The following PTPRK variants were observed in gnomAD, a reference collection of about 807,000 sequenced individuals.
PTPRK encodes receptor-type tyrosine-protein phosphatase kappa.
A neutral mutation model predicts 178.0 loss-of-function variants in PTPRK; 75 were observed. The observed-to-expected ratio is 0.42, with a 90% CI of 0.35 to 0.51. The LOEUF (loss-of-function observed/expected upper bound fraction) is 0.51, where lower values mean the gene tolerates loss of function less well. Ranked by LOEUF, PTPRK falls within the 20% of genes least tolerant of loss-of-function variation. PTPRK has a pLI of 0.02. For missense variants in PTPRK, 1,441 were observed against 1,797.8 expected (o/e 0.80, Z 3.59); for synonymous variants, 637 against 620.6 (o/e 1.03, Z -0.39).
At chr6:128,152,256 G>C (rs1308056169) in intron 7 of PTPRK, among the ~76,000 whole-genome samples, 1 of 151,990 alleles carries the variant, frequency 6.6e-6, no homozygotes, top group Non-Finnish European at 1.5e-5. Context: ...TTAAAGAATG[G>C]GACGTCGTCA....
chr6:128,055,496 T>A (rs1428967132), intron 13 of PTPRK, among the ~76,000 whole-genome samples: 3 of 152,246 alleles, frequency 2.0e-5, no homozygotes, highest in Admixed American at 2.0e-4. Flanking sequence ...GTGTCCTTTT[T>A]CATTTATACA....
At chr6:128,077,171 A>G (rs1015903428) in intron 11 of PTPRK, among the ~76,000 whole-genome samples, 7 of 152,012 alleles carry the variant, frequency 4.6e-5, no homozygotes, top group Admixed American at 3.3e-4. Flanking sequence ...CTAAAAAGTA[A>G]ATTTTATCAC....
chr6:128,420,608 T>C (rs1843369997), intron 1 of PTPRK, among the ~76,000 whole-genome samples: 1 of 152,160 alleles, frequency 6.6e-6, no homozygotes, highest in South Asian at 2.1e-4. Context: ...TAATTATTAA[T>C]ACAACAGAAA....
At chr6:128,358,334 A>T (rs984312000) in intron 2 of PTPRK, among the ~76,000 whole-genome samples, 1 of 152,190 alleles carries the variant, frequency 6.6e-6, no homozygotes, top group African/African-American at 2.4e-5. Context: ...TCCCTTCTAC[A>T]TACAGACCCT....
At chr6:128,246,258 A>C (rs1251973274) in intron 3 of PTPRK, among the ~76,000 whole-genome samples, 3 of 152,132 alleles carry the variant, frequency 2.0e-5, no homozygotes, top group Non-Finnish European at 4.4e-5. Flanking sequence ...TCATTAAATT[A>C]TTTTAATTTC....
intron 7 of PTPRK, among the ~76,000 whole-genome samples, chr6:128,118,048 G>A (rs74906687): frequency 0.026 from 3,916 of 152,168 alleles, 76 homozygotes; most frequent in Middle Eastern, 0.092. Context: ...ACAAGAAGTC[G>A]TCCTCATTAT....
chr6:128,028,401 G>T (rs145910365), intron 13 of PTPRK, among the ~76,000 whole-genome samples: 118 of 152,300 alleles, frequency 7.7e-4, no homozygotes, highest in African/African-American at 2.8e-3. Flanking sequence ...CTGCCACCCT[G>T]CCCTCAAGAT....
At chr6:128,017,428 T>G (rs1779704265) in intron 13 of PTPRK, among the ~76,000 whole-genome samples, 1 of 151,798 alleles carries the variant, frequency 6.6e-6, no homozygotes. Flanking sequence ...TGTGAGTTAA[T>G]TGCTTTATGT....
In PTPRK at chr6:128,291,997, A is replaced by C. The variant is rs373188177; in HGVS notation, c.495+30042T>G. Among the ~76,000 whole-genome samples, 6 of 152,274 alleles carry C rather than the reference A, an allele frequency of 3.9e-5. No individual in the cohort carries two copies. The East Asian group carries it at 5.8e-4, about 15-fold the overall frequency. On this transcript the variant is annotated intron_variant, in intron 3 of 29. Coordinates refer to ENST00000368226, the MANE Select transcript of PTPRK (RefSeq NM_002844.4). The stretch of plus-strand genomic sequence containing the variant: ...TCACGCTAATGCAATATATCATGAA[A>C]GAGAAATAAAATATGCCACTGTTAG...
intron 3 of PTPRK, among the ~76,000 whole-genome samples, chr6:128,273,792 C>T (rs764659242): frequency 5.9e-5 from 9 of 152,054 alleles, no homozygotes; most frequent in East Asian, 1.9e-4. Flanking sequence ...GTGCATAAGT[C>T]GCAATTTATC....
At chr6:128,463,647 G>C (rs1849365333) in intron 1 of PTPRK, among the ~76,000 whole-genome samples, 1 of 150,708 alleles carries the variant, frequency 6.6e-6, no homozygotes, top group Non-Finnish European at 1.5e-5. Flanking sequence ...AACTAATATA[G>C]CTATTAGGAA....
chr6:128,482,925 A>T (rs1274420839), intron 1 of PTPRK, among the ~76,000 whole-genome samples: 1 of 152,198 alleles, frequency 6.6e-6, no homozygotes, highest in Non-Finnish European at 1.5e-5. Flanking sequence ...ACCAGGTGGT[A>T]TCCTGCTCAT....
intron 3 of PTPRK, among the ~76,000 whole-genome samples, chr6:128,277,917 A>T (rs1474137584): frequency 6.6e-6 from 1 of 152,152 alleles, no homozygotes; most frequent in African/African-American, 2.4e-5. Flanking sequence ...GCATGATATG[A>T]GAACATGAGA....
At chr6:128,193,809 T>C (rs1474180026) in intron 6 of PTPRK, among the ~76,000 whole-genome samples, 1 of 152,064 alleles carries the variant, frequency 6.6e-6, no homozygotes, top group African/African-American at 2.4e-5. Context: ...CTTTATTACC[T>C]GCTTGAAATA....
Position 128,009,040 on chromosome 6 carries a change from T to A in PTPRK, c.2333+90A>T, listed in dbSNP as rs563302427. On this transcript the variant is annotated intron_variant, in intron 14 of 29. Transcript: ENST00000368226. ...ATTAAAATTTTCTTCCTGTTGTTTG[T>A]TCTAATTTAAAGGATCTTGAGAAAA... 4 of 1,234,222 alleles carry A rather than the reference T, an allele frequency of 3.2e-6. No individual in the cohort carries two copies. In the Admixed American group the frequency reaches 9.3e-5, roughly 29 times the overall value. The allele number at this position is 1,234,222 out of a possible 1,614,324, so 76.5% of individuals were successfully genotyped here.
intron 1 of PTPRK, among the ~76,000 whole-genome samples, chr6:128,467,300 T>C (rs947492893): frequency 1.3e-5 from 2 of 152,136 alleles, no homozygotes; most frequent in African/African-American, 4.8e-5. Context: ...GTGTTAACAA[T>C]GGCAAATCCT....
intron 3 of PTPRK, among the ~76,000 whole-genome samples, chr6:128,285,795 G>T (rs1296954277): frequency 1.3e-5 from 2 of 151,448 alleles, no homozygotes; most frequent in Non-Finnish European, 2.9e-5. Context: ...GTAATACGCT[G>T]TCTCAAAAAA....
intron 3 of PTPRK, among the ~76,000 whole-genome samples, chr6:128,258,898 A>C (rs1483305396): frequency 6.6e-6 from 1 of 152,188 alleles, no homozygotes; most frequent in Non-Finnish European, 1.5e-5. Flanking sequence ...GCAGAAGACA[A>C]TTTAACGTGG....
At chr6:128,341,264 A>C (rs1363050489) in intron 2 of PTPRK, among the ~76,000 whole-genome samples, 1 of 152,098 alleles carries the variant, frequency 6.6e-6, no homozygotes, top group Non-Finnish European at 1.5e-5. Flanking sequence ...AATTATCTTA[A>C]GTATATGTAT....
Sources: gnomAD v4.1 joint callset for allele counts (sites outside exome capture counted in the v4.1 genomes callset) on GRCh38, gnomAD v4.1.1 for gene constraint, MANE v1.5 for transcripts, NCBI Gene and HGNC (gene_info 2026-07-23, HGNC 2026-07-21) for gene names.